CLPX: variants seen among roughly 807,000 people sequenced by gnomAD.
CLPX encodes the protein caseinolytic mitochondrial matrix peptidase chaperone subunit X, also known as ATP-dependent clpX-like chaperone, mitochondrial.
A neutral mutation model predicts 76.4 loss-of-function variants in CLPX; 34 were observed. The ratio of observed to expected loss-of-function variants is 0.45; its 90% confidence interval spans 0.34 to 0.59. The LOEUF is 0.59. Ranked by LOEUF, CLPX falls within the 20% of genes least tolerant of loss-of-function variation. The pLI is 0.01. For synonymous variants in CLPX, 248 were observed against 270.9 expected, an observed-to-expected ratio of 0.92 and a Z score of 0.83; for missense variants, 613 against 757.0, an observed-to-expected ratio of 0.81 and a Z score of 2.23.
At chr15:65,179,155 A>G (rs759800984) in intron 2 of CLPX, 104 bp from the exon 3 acceptor site, 11 of 609,512 alleles carry the variant, frequency 1.8e-5, no homozygotes, top group Non-Finnish European at 1.4e-5. Flanking sequence ...ATAATCTTCT[A>G]TATTTCTAGG....
chr15:65,179,596 A>C (rs919644085), intron 2 of CLPX, among the ~76,000 whole-genome samples: 5 of 152,262 alleles, frequency 3.3e-5, no homozygotes, highest in Admixed American at 2.6e-4. Context: ...AACTACCAAC[A>C]TAAGTTATAC....
intron 3 of CLPX, 86 bp from the exon 4 acceptor site, chr15:65,166,871 G>C: frequency 1.5e-6 from 2 of 1,324,072 alleles, no homozygotes; most frequent in Non-Finnish European, 2.1e-6. Context: ...GTAAATGAAA[G>C]CTACGCACCT....
rs2087683652 is a variant in CLPX at position 65,148,806 on chromosome 15, T to A, written c.*2017A>T. ...TTCAAATGAGATTAAACTGAATGAA[T>A]ATAGAACTTGTACCACCATTATAGA... On this transcript the variant is annotated 3_prime_UTR_variant, in exon 14 of 14. Coordinates refer to ENST00000300107, the MANE Select transcript of CLPX (RefSeq NM_006660.5). 1 of 151,372 alleles carries A rather than the reference T, an allele frequency of 6.6e-6. No individual in the cohort carries two copies. Among genetic ancestry groups the A allele is most frequent in the Non-Finnish European group, 1.5e-5 (1 of 67,890 alleles). The allele number at this position is 151,372 out of a possible 1,614,324, so 9.4% of individuals were successfully genotyped here.
chr15:65,166,601 T>C (rs759936792), intron 4 of CLPX, 30 bp downstream of exon 4: 18 of 1,605,602 alleles, frequency 1.1e-5, no homozygotes, highest in Non-Finnish European at 1.4e-5. Flanking sequence ...CAAGATAAAA[T>C]ACTTGTAAGA....
intron 7 of CLPX, 144 bp downstream of exon 7, chr15:65,158,431 G>T: frequency 1.5e-6 from 1 of 646,454 alleles, no homozygotes; most frequent in East Asian, 2.8e-5. Context: ...ATTCTATGCA[G>T]GAATACTGAT....
intron 6 of CLPX, among the ~76,000 whole-genome samples, chr15:65,160,605 T>C (rs1401801552): frequency 1.6e-5 from 2 of 124,674 alleles, no homozygotes; most frequent in Non-Finnish European, 3.3e-5. Flanking sequence ...TCTCTCTCTC[T>C]CTCTCTCTCT....
In CLPX at chr15:65,185,244, C is replaced by G; in HGVS notation, c.-91G>C. The G allele has an allele frequency of 3.6e-6, 4 of 1,119,248 alleles. No individual in the cohort carries two copies. The highest frequency in any genetic ancestry group is 5.2e-6 in the Non-Finnish European group (4 of 771,256). The allele number at this position is 1,119,248 out of a possible 1,614,324, so 69.3% of individuals were successfully genotyped here. A position where few individuals can be genotyped will look rare whatever the true frequency, so the allele number is the denominator to read the frequency against. On this transcript the variant is annotated 5_prime_UTR_variant, in exon 1 of 14. Transcript: ENST00000300107. ...GCCCGCAAGGCGCGCTGACTCGGTT[C>G]CGAACCCTTTCGCGGGCCCTAGACC...
intron 3 of CLPX, among the ~76,000 whole-genome samples, chr15:65,173,605 C>A (rs191311798): frequency 6.6e-6 from 1 of 152,088 alleles, no homozygotes; most frequent in Non-Finnish European, 1.5e-5. Flanking sequence ...CAGATGTTCA[C>A]GGGAGCATTA....
Position 65,185,186 on chromosome 15 carries a change from T to C in CLPX, c.-33A>G, listed in dbSNP as rs1595950935. ...AGGCCTAGGCCGGGGCTTCGCCCCC[T>C]GAGGACCTCCGGGTCACAGCGGCGT... is the stretch of plus-strand genomic sequence containing the variant. On this transcript the variant is annotated 5_prime_UTR_variant, in exon 1 of 14. Transcript: ENST00000300107. 6.6e-7 allele frequency: 1 copy of C among 1,526,432 alleles called. No homozygotes were observed. Among genetic ancestry groups the C allele is most frequent in the Non-Finnish European group, 8.9e-7 (1 of 1,125,036 alleles). 94.6% of individuals were successfully genotyped at this position (1,526,432 alleles called of 1,614,324 possible).
intron 4 of CLPX, among the ~76,000 whole-genome samples, chr15:65,164,524 G>A (rs2087887624): frequency 6.6e-6 from 1 of 151,974 alleles, no homozygotes; most frequent in South Asian, 2.1e-4. Flanking sequence ...TGCCACCATG[G>A]TCTAAAAGTA....
At chr15:65,180,248 A>G (rs1287606166) in intron 1 of CLPX, 44 bp from the exon 2 acceptor site, 17 of 1,459,320 alleles carry the variant, frequency 1.2e-5, no homozygotes, top group Non-Finnish European at 1.5e-5. Context: ...ACATGCCTCA[A>G]TAAATCCCCT....
At chr15:65,168,941 T>C (rs2087959002) in intron 3 of CLPX, among the ~76,000 whole-genome samples, 1 of 151,238 alleles carries the variant, frequency 6.6e-6, no homozygotes, top group Non-Finnish European at 1.5e-5. Flanking sequence ...ACTGCAGTCT[T>C]GACCTCCTAA....
chr15:65,182,242 T>C (rs2088185360), intron 1 of CLPX, among the ~76,000 whole-genome samples: 1 of 152,158 alleles, frequency 6.6e-6, no homozygotes, highest in African/African-American at 2.4e-5. Flanking sequence ...TAAAGCTCTG[T>C]AGCAAAGTAA....
chr15:65,157,139 C>T (rs1161874184), intron 8 of CLPX, among the ~76,000 whole-genome samples: 1 of 152,196 alleles, frequency 6.6e-6, no homozygotes, highest in Non-Finnish European at 1.5e-5. Flanking sequence ...TACGGAGTAA[C>T]ATTTACGTAT....
intron 6 of CLPX, among the ~76,000 whole-genome samples, chr15:65,159,083 C>T (rs1251740186): frequency 1.3e-5 from 2 of 152,114 alleles, no homozygotes; most frequent in African/African-American, 2.4e-5. Flanking sequence ...CTGGACCTTC[C>T]TTTGTCTCTA....
intron 1 of CLPX, among the ~76,000 whole-genome samples, chr15:65,182,882 T>G (rs903370454): frequency 1.2e-4 from 19 of 152,176 alleles, no homozygotes; most frequent in Admixed American, 1.3e-4. Context: ...GAAATACTAG[T>G]CCGGGTGCGG....
At chr15:65,159,749 G>A (rs1458940212) in intron 6 of CLPX, among the ~76,000 whole-genome samples, 1 of 151,830 alleles carries the variant, frequency 6.6e-6, no homozygotes, top group Non-Finnish European at 1.5e-5. Context: ...CTTAGCATTT[G>A]AGTACCTGTT....
chr15:65,177,203 G>A (rs1419414333), intron 3 of CLPX, among the ~76,000 whole-genome samples: 1 of 151,830 alleles, frequency 6.6e-6, no homozygotes, highest in East Asian at 1.9e-4. Context: ...CGAACAGCTG[G>A]GACTTCAGAT....
In CLPX at chr15:65,171,788, A is replaced by G. The variant is rs2088010760; in HGVS notation, c.359-5003T>C. Among the ~76,000 whole-genome samples, 5 of 152,252 alleles carry G rather than the reference A, an allele frequency of 3.3e-5. No homozygotes were observed. In the South Asian group the frequency reaches 1.0e-3, roughly 31 times the overall value. The stretch of plus-strand genomic sequence containing the variant: ...AAGTACAAAATATTTCTCTAAGGAA[A>G]TTAGATCAAAAGGAAAATGATTAAA... On this transcript the variant is annotated intron_variant, in intron 3 of 13. Coordinates refer to ENST00000300107, the MANE Select transcript of CLPX (RefSeq NM_006660.5).
Sources: gnomAD v4.1 joint callset for allele counts (sites outside exome capture counted in the v4.1 genomes callset) on GRCh38, gnomAD v4.1.1 for gene constraint, MANE v1.5 for transcripts, NCBI Gene and HGNC (gene_info 2026-07-23, HGNC 2026-07-21) for gene names.